The following FBXO34 variants were observed in gnomAD, a reference collection of about 807,000 sequenced individuals.
The protein encoded by FBXO34 is F-box protein 34.
Under a neutral mutation model 24.5 loss-of-function variants are expected in FBXO34, and 12 were observed. The observed-to-expected ratio is 0.49, with a 90% CI of 0.31 to 0.79. FBXO34 has a LOEUF of 0.79. FBXO34 is among the 30% of genes least tolerant of loss of function. FBXO34 has a pLI of 0.04. For synonymous variants in FBXO34, 320 were observed against 311.9 expected, an observed-to-expected ratio of 1.03 and a Z score of -0.27; for missense variants, 823 against 857.7, an observed-to-expected ratio of 0.96 and a Z score of 0.51.
At chr14:55,339,584 T>C (rs1052529227) in intron 1 of FBXO34, 3 of 152,190 alleles carry the variant, frequency 2.0e-5, no homozygotes, top group Admixed American at 2.0e-4. Context: ...GTTTGGAGGA[T>C]AAGACAAATA....
At chr14:55,323,572 G>A (rs570041955) in intron 1 of FBXO34, among the ~76,000 whole-genome samples, 3 of 151,710 alleles carry the variant, frequency 2.0e-5, no homozygotes, top group South Asian at 2.1e-4. Context: ...TAGTAGAGAC[G>A]GAGTTTCACT....
the FBXO34 span, among the ~76,000 whole-genome samples, chr14:55,415,966 C>T: frequency 6.6e-6 from 1 of 152,120 alleles, no homozygotes; most frequent in Non-Finnish European, 1.5e-5. Context: ...TTAGGCTCAT[C>T]TAAGTGAAAA....
chr14:55,372,567 CTTCT>C (rs1239247429), downstream of FBXO34, among the ~76,000 whole-genome samples: 1 of 144,360 alleles, frequency 6.9e-6, no homozygotes, highest in Admixed American at 6.7e-5. Flanking sequence ...CCCTCCCTCC[CTTCT>C]TTCCATCCTT....
At chr14:55,360,340 T>C (rs367628901) in intron 3 of FBXO34, among the ~76,000 whole-genome samples, 184 of 152,278 alleles carry the variant, frequency 1.2e-3, no homozygotes, top group African/African-American at 4.3e-3. Flanking sequence ...CCCAAAGTGC[T>C]GGGATGACAG....
At chr14:55,383,793 C>G in the FBXO34 span, among the ~76,000 whole-genome samples, 1 of 152,208 alleles carries the variant, frequency 6.6e-6, no homozygotes, top group South Asian at 2.1e-4. Context: ...CATGAGAAGT[C>G]ACAGCAGGTA....
At chr14:55,356,338 G>A (rs930736182), downstream of FBXO34, among the ~76,000 whole-genome samples, 4 of 152,182 alleles carry the variant, frequency 2.6e-5, no homozygotes, top group South Asian at 2.1e-4. Flanking sequence ...GTACACCACC[G>A]ACTAAACCAA....
chr14:55,373,804 C>CAA (rs71705938), downstream of FBXO34, among the ~76,000 whole-genome samples: 1 of 135,302 alleles, frequency 7.4e-6, no homozygotes. Flanking sequence ...AAATTTGTTT[C>CAA]AAAAAAAAAA....
chr14:55,419,028 T>C, the FBXO34 span, among the ~76,000 whole-genome samples: 1 of 152,226 alleles, frequency 6.6e-6, no homozygotes, highest in Non-Finnish European at 1.5e-5. Flanking sequence ...CTCCAGTCCA[T>C]CCTTTTAGCC....
At chr14:55,295,782 A>C (rs1160705149) in intron 1 of FBXO34, among the ~76,000 whole-genome samples, 1 of 152,250 alleles carries the variant, frequency 6.6e-6, no homozygotes, top group African/African-American at 2.4e-5. Context: ...TGAAGCTGGA[A>C]TTCAAATCCA....
chr14:55,396,135 TG>T, the FBXO34 span, among the ~76,000 whole-genome samples: 1 of 152,266 alleles, frequency 6.6e-6, no homozygotes, highest in African/African-American at 2.4e-5. Flanking sequence ...CCAAATTCCC[TG>T]TTCTCTGCAA....
In FBXO34 at chr14:55,350,508, G is replaced by C. The variant is rs757009238; in HGVS notation, c.118G>C (p.Ala40Pro). ...GGCTGTAAATGATGAAACATGCAAA[G>C]CTAGCCACATAACATCAAGTGTCTT... ...QKAVNDETCK[A>P]SHITSSVFPS... Residue 40 changes from alanine (A) to proline (P), a missense_variant, in exon 2 of 2, where the codon GCT becomes CCT. Ala to Pro is a conservative substitution (Grantham distance 27). This residue lies in a region of FBXO34 where 693 missense variants were observed against 659.1 expected (regional missense o/e 1.05). Coordinates refer to ENST00000313833, the MANE Select transcript of FBXO34 (RefSeq NM_017943.4). 14 of 1,613,914 alleles carry C rather than the reference G, an allele frequency of 8.7e-6. No homozygotes were observed. In the East Asian group the frequency reaches 2.9e-4, roughly 33 times the overall value.
chr14:55,385,960 G>A, the FBXO34 span: 1 of 1,614,166 alleles, frequency 6.2e-7, no homozygotes, highest in Non-Finnish European at 8.5e-7. Context: ...GACTTCTTAA[G>A]TCAATGGTCT....
At chr14:55,328,979 G>A (rs1418322577) in intron 1 of FBXO34, among the ~76,000 whole-genome samples, 2 of 151,842 alleles carry the variant, frequency 1.3e-5, no homozygotes, top group East Asian at 3.9e-4. Context: ...AGAAAGTATA[G>A]TACATTAGCA....
intron 1 of FBXO34, among the ~76,000 whole-genome samples, chr14:55,330,434 T>C (rs940461874): frequency 4.5e-4 from 69 of 152,194 alleles, no homozygotes; most frequent in African/African-American, 1.6e-3. Context: ...TTGTGGGTTT[T>C]ATTTTTCAAA....
chr14:55,354,601 C>T (rs1353416490), downstream of FBXO34: 4 of 152,262 alleles, frequency 2.6e-5, no homozygotes, highest in African/African-American at 9.7e-5. Flanking sequence ...TATGTCCCAG[C>T]CCCAGTTGGC....
chr14:55,377,768 C>CT, the FBXO34 span: 4 of 1,377,350 alleles, frequency 2.9e-6, no homozygotes, highest in South Asian at 1.4e-5. Flanking sequence ...TACAACTCCT[C>CT]TAACAGGATT....
At chr14:55,360,826 TG>T (rs796389114) in intron 3 of FBXO34, among the ~76,000 whole-genome samples, 180 of 152,028 alleles carry the variant, frequency 1.2e-3, no homozygotes, top group African/African-American at 4.1e-3. Context: ...GGTGAAACTC[TG>T]TCTCTACTAA....
At chr14:55,274,007 T>A (rs1009759959) in intron 1 of FBXO34, among the ~76,000 whole-genome samples, 2 of 152,148 alleles carry the variant, frequency 1.3e-5, no homozygotes, top group African/African-American at 2.4e-5. Context: ...GGTTTCACTG[T>A]GTTGGCCAGG....
the FBXO34 span, among the ~76,000 whole-genome samples, chr14:55,407,939 C>A: frequency 6.6e-6 from 1 of 151,992 alleles, no homozygotes; most frequent in Non-Finnish European, 1.5e-5. Flanking sequence ...AAGGAAAAAG[C>A]CCCATTGGTG....
Sources: gnomAD v4.1 joint callset for allele counts (sites outside exome capture counted in the v4.1 genomes callset) on GRCh38, gnomAD v4.1.1 for gene constraint, gnomAD v4.1.1 regional missense constraint, MANE v1.5 for transcripts, NCBI Gene and HGNC (gene_info 2026-07-23, HGNC 2026-07-21) for gene names.